The following UBA52 variants were observed in gnomAD, a reference collection of about 807,000 sequenced individuals.
UBA52 encodes ubiquitin-ribosomal protein eL40 fusion protein.
Under a neutral mutation model 15.3 loss-of-function variants are expected in UBA52, and 1 was observed. The observed-to-expected ratio is 0.07, with a 90% CI of 0.02 to 0.31. The LOEUF is 0.31. Ranked by LOEUF, UBA52 falls within the 10% of genes least tolerant of loss-of-function variation. UBA52 has a pLI of 1.00. For missense variants in UBA52, 87 were observed against 168.0 expected (o/e 0.52, Z 2.66); for synonymous variants, 50 against 58.3 (o/e 0.86, Z 0.65).
At chr19:18,566,997 G>T (rs1975274948), upstream of UBA52, 1 of 724,870 alleles carries the variant, frequency 1.4e-6, no homozygotes. Flanking sequence ...GTGAAGATGT[G>T]AGGTGATGAA....
At chr19:18,573,162 A>T in intron 1 of UBA52, 131 bp from the exon 2 acceptor site, 1 of 1,104,538 alleles carries the variant, frequency 9.1e-7, no homozygotes, top group Non-Finnish European at 1.3e-6. Context: ...TGAAAGGAAG[A>T]CAGGTACTGG....
rs1975797155 is a variant in UBA52, at chr19:18,576,689, C to G, written c.*1539C>G. The G allele has an allele frequency of 6.7e-6, 1 of 148,404 alleles. No homozygotes were observed. Among genetic ancestry groups the G allele is most frequent in the African/African-American group, 2.5e-5 (1 of 39,824 alleles). The allele number at this position is 148,404 out of a possible 1,614,324, so 9.2% of individuals were successfully genotyped here. ...TTTTTTTTTTTTTTTGAGATGGAGCCTTGCTCCCATCGTGCAGGCTGGAGT... is the reference window on the plus strand; with the variant it reads ...TTTTTTTTTTTTTTTGAGATGGAGCGTTGCTCCCATCGTGCAGGCTGGAGT... On this transcript the variant is annotated 3_prime_UTR_variant, in exon 5 of 5. Coordinates refer to ENST00000442744, the MANE Select transcript of UBA52 (RefSeq NM_001033930.3).
chr19:18,568,610 C>T (rs977008763), upstream of UBA52: 48 of 1,611,560 alleles, frequency 3.0e-5, no homozygotes, highest in Middle Eastern at 1.6e-4. Flanking sequence ...AGACAGATGA[C>T]GAGGAGATGA....
chr19:18,572,999 C>G, intron 1 of UBA52: 1 of 1,229,758 alleles, frequency 8.1e-7, no homozygotes, highest in Non-Finnish European at 1.0e-6. Context: ...AGTCCTTCCG[C>G]CGCTAAACCT....
upstream of UBA52, chr19:18,568,863 C>T (rs1975390577): frequency 1.8e-6 from 1 of 549,080 alleles, no homozygotes; most frequent in Admixed American, 3.3e-5. Context: ...CTCTGCCATG[C>T]CAGGGCACGC....
At chr19:18,567,681 G>A (rs1356590466), upstream of UBA52, among the ~76,000 whole-genome samples, 3 of 152,172 alleles carry the variant, frequency 2.0e-5, no homozygotes, top group Non-Finnish European at 4.4e-5. Flanking sequence ...TGTTCTCTGG[G>A]GTACCATTCC....
chr19:18,567,029 C>T (rs944739374), upstream of UBA52: 20 of 1,000,164 alleles, frequency 2.0e-5, 1 homozygote, highest in Admixed American at 3.9e-5. Flanking sequence ...TTCTCACTCC[C>T]GTCTCCCCTT....
At chr19:18,564,540 A>T in the UBA52 span, among the ~76,000 whole-genome samples, 13 of 152,192 alleles carry the variant, frequency 8.5e-5, no homozygotes, top group Admixed American at 8.5e-4. Context: ...GGAGAATGGT[A>T]TGAACCTGGG....
the UBA52 span, chr19:18,564,739 G>T: frequency 2.0e-6 from 2 of 1,023,718 alleles, no homozygotes; most frequent in African/African-American, 1.6e-5. Flanking sequence ...GTAGAACTCT[G>T]CAGGACAAGG....
At chr19:18,570,938 C>T (rs1975458321), upstream of UBA52, among the ~76,000 whole-genome samples, 2 of 151,386 alleles carry the variant, frequency 1.3e-5, no homozygotes, top group South Asian at 4.2e-4. Context: ...CCGCACATCT[C>T]GGCCTCCCAA....
At chr19:18,568,352 A>G (rs28379361), upstream of UBA52, 253 of 1,408,986 alleles carry the variant, frequency 1.8e-4, 1 homozygote, top group African/African-American at 2.5e-3. Flanking sequence ...GTCCTACATC[A>G]CAGAGCTTGG....
the UBA52 span, among the ~76,000 whole-genome samples, chr19:18,566,003 AT>A: frequency 6.6e-6 from 1 of 151,948 alleles, no homozygotes. Flanking sequence ...TAATTTTTGT[AT>A]TTTTTTAGTA....
rs753989796 is a variant in UBA52 at position 18,575,150 on chromosome 19, A to G, written c.387A>G (p.Ter129=). Residue 129 remains the stop codon, a stop_retained_variant, in exon 5 of 5, where the codon TAA becomes TAG. Transcript: ENST00000442744. The stretch of plus-strand genomic sequence containing the variant: ...TGCGTCCCAAGAAGAAGGTCAAATA[A>G]GGTGGTTCTTTCCTTGAAGGGCAGC... The part of the protein sequence containing the change: ...NNLRPKKKVK[*] 28 of 1,614,102 alleles carry G rather than the reference A, an allele frequency of 1.7e-5. No individual in the cohort carries two copies. In the East Asian group the frequency reaches 6.0e-4, roughly 35 times the overall value.
At position 18,573,670 on chromosome 19, in the gene UBA52, C is replaced by G. The variant is rs1975624947; in HGVS notation, c.112C>G (p.Pro38Ala). 5 of 1,614,126 alleles carry G rather than the reference C, an allele frequency of 3.1e-6. No homozygotes were observed. The highest frequency in any genetic ancestry group is 3.4e-6 in the Non-Finnish European group (4 of 1,180,000). The change falls in exon 3 of 5, where the codon CCT (proline) becomes GCT (alanine). Residue 38 changes from proline to alanine, a missense_variant. Transcript: ENST00000442744. Reference sequence around the variant, plus strand: ...GCCTCCCTCCCCCTCAGGTATCCCACCTGACCAGCAGCGTCTGATATTTGC... The same window carrying G: ...GCCTCCCTCCCCCTCAGGTATCCCAGCTGACCAGCAGCGTCTGATATTTGC... ...AKIQDKEGIP[P>A]DQQRLIFAGK...
upstream of UBA52, chr19:18,567,307 TG>T (rs747811261): frequency 4.6e-5 from 43 of 941,154 alleles, no homozygotes; most frequent in Non-Finnish European, 1.3e-5. Flanking sequence ...TGGGGAAACC[TG>T]GGGTGGGGGC....
upstream of UBA52, among the ~76,000 whole-genome samples, chr19:18,567,817 G>A (rs113375916): frequency 2.6e-5 from 4 of 152,324 alleles, no homozygotes; most frequent in African/African-American, 9.6e-5. Context: ...CTGGGCTGAG[G>A]GGAGGTCATA....
chr19:18,567,206 C>G, upstream of UBA52: 1 of 1,612,620 alleles, frequency 6.2e-7, no homozygotes, highest in Non-Finnish European at 8.5e-7. Context: ...TTCCTGCTCC[C>G]GAGCACGTCA....
At chr19:18,573,980 G>A (rs1302796698) in intron 3 of UBA52, among the ~76,000 whole-genome samples, 4 of 117,242 alleles carry the variant, frequency 3.4e-5, no homozygotes, top group South Asian at 5.5e-4. Flanking sequence ...GTGAAATCCC[G>A]TTTCTATTAA....
At chr19:18,565,061 C>A in the UBA52 span, 1 of 1,590,058 alleles carries the variant, frequency 6.3e-7, no homozygotes. Context: ...TGACCTCTGC[C>A]TCCACCTCCC....
Sources: gnomAD v4.1 joint callset for allele counts (sites outside exome capture counted in the v4.1 genomes callset) on GRCh38, gnomAD v4.1.1 for gene constraint, MANE v1.5 for transcripts, NCBI Gene and HGNC (gene_info 2026-07-23, HGNC 2026-07-21) for gene names.